FNDC1: variants seen among roughly 807,000 people sequenced by gnomAD.
FNDC1 encodes fibronectin type III domain containing 1, also known as fibronectin type III domain-containing protein 1.
A neutral mutation model predicts 168.0 loss-of-function variants in FNDC1; 96 were observed. The observed-to-expected ratio is 0.57, with a 90% CI of 0.48 to 0.68. The LOEUF (loss-of-function observed/expected upper bound fraction) is 0.68, where lower values mean the gene tolerates loss of function less well. Among genes scored for constraint, FNDC1 ranks in the 30% least tolerant of loss-of-function variants. The probability of loss-of-function intolerance (pLI) is 0.00; values close to 1 mark genes in which losing one functional copy is unlikely to be tolerated. For synonymous variants in FNDC1, 1,099 were observed against 1,025.9 expected, an observed-to-expected ratio of 1.07 and a Z score of -1.36; for missense variants, 2,587 against 2,482.1, an observed-to-expected ratio of 1.04 and a Z score of -0.90.
At position 159,239,730 on chromosome 6, in the gene FNDC1, C is replaced by A. The variant is rs1234818399; in HGVS notation, c.4394C>A (p.Thr1465Asn). ...TTTTPLPTTT[T>N]PRPTTATTRR... ...ACGACGCCCCTGCCTACCACTACAA[C>A]CCCGAGGCCCACCACTGCCACCACC... The change falls in exon 14 of 23, where the codon ACC becomes AAC. Residue 1465 changes from threonine (T) to asparagine (N), a missense_variant. Coordinates refer to ENST00000297267, the MANE Select transcript of FNDC1 (RefSeq NM_032532.3). 6.5e-7 allele frequency: 1 copy of A among 1,548,238 alleles called. No individual in the cohort carries two copies. The highest frequency in any genetic ancestry group is 8.7e-7 in the Non-Finnish European group (1 of 1,144,902).
intron 16 of FNDC1, 136 bp from the exon 17 acceptor site, chr6:159,251,166 G>A (rs1028117537): frequency 1.6e-6 from 1 of 637,612 alleles, no homozygotes. Flanking sequence ...TTCTGAGCTT[G>A]GCATCAAGGC....
intron 6 of FNDC1, among the ~76,000 whole-genome samples, chr6:159,223,038 C>T (rs1319685870): frequency 6.8e-6 from 1 of 146,250 alleles, no homozygotes; most frequent in Admixed American, 7.1e-5. Flanking sequence ...CTCTGTTGCC[C>T]AGGCTGGAGT....
chr6:159,268,156 G>C (rs1269789839), intron 22 of FNDC1, among the ~76,000 whole-genome samples: 1 of 152,206 alleles, frequency 6.6e-6, no homozygotes, highest in Non-Finnish European at 1.5e-5. Flanking sequence ...CAAAGGTACA[G>C]AGAAGGCAAA....
At chr6:159,261,964 C>T (rs1216615548) in intron 19 of FNDC1, among the ~76,000 whole-genome samples, 1 of 152,018 alleles carries the variant, frequency 6.6e-6, no homozygotes, top group Admixed American at 6.6e-5. Context: ...TTTAATTAGC[C>T]AGGCCTAGTG....
chr6:159,247,800 G>C (rs1294569538), intron 15 of FNDC1, among the ~76,000 whole-genome samples: 1 of 152,148 alleles, frequency 6.6e-6, no homozygotes, highest in Non-Finnish European at 1.5e-5. Flanking sequence ...CAGCATCTGG[G>C]AGAGTCATTC....
rs558240832 is a variant in FNDC1 at position 159,251,204 on chromosome 6, G to T, written c.4835-98G>T. 161 of 875,426 alleles carry T rather than the reference G, an allele frequency of 1.8e-4. 1 individual carries two copies. Among genetic ancestry groups the T allele is most frequent in the Non-Finnish European group, 2.3e-4 (131 of 560,472 alleles). The allele number at this position is 875,426 out of a possible 1,614,324, so 54.2% of individuals were successfully genotyped here. On this transcript the variant is annotated intron_variant, in intron 16 of 22. Coordinates refer to ENST00000297267, the MANE Select transcript of FNDC1 (RefSeq NM_032532.3). ...ATGGAGCCTCCGTCCAGCAGGAAGA[G>T]ACCGAATGGTGGGTCTGACTCTGTG...
intron 18 of FNDC1, among the ~76,000 whole-genome samples, chr6:159,259,691 C>G (rs756877070): frequency 1.3e-5 from 2 of 152,236 alleles, no homozygotes; most frequent in African/African-American, 4.8e-5. Flanking sequence ...AATAACTCCA[C>G]AACCACTGCA....
chr6:159,239,813 A>G lies in FNDC1; in HGVS notation c.4477A>G (p.Thr1493Ala). The G allele has an allele frequency of 6.5e-7, 1 of 1,546,480 alleles. No homozygotes were observed. Among genetic ancestry groups the G allele is most frequent in the Non-Finnish European group, 8.7e-7 (1 of 1,143,042 alleles). Residue 1493 changes from threonine (T) to alanine (A), a missense_variant, in exon 14 of 23, where the codon ACC becomes GCC. Transcript: ENST00000297267. ...TTRRPTTTVR[T>A]TTRTTTTTTP... is the part of the protein sequence containing the mutation. ...CAGGCGTCCAACAACCACAGTCCGAACCACTACGCGGACAACCACCACCAC... is the reference window on the plus strand; with the variant it reads ...CAGGCGTCCAACAACCACAGTCCGAGCCACTACGCGGACAACCACCACCAC...
At chr6:159,210,179 C>T (rs921180809) in intron 4 of FNDC1, among the ~76,000 whole-genome samples, 3 of 152,188 alleles carry the variant, frequency 2.0e-5, no homozygotes, top group Non-Finnish European at 4.4e-5. Flanking sequence ...TTGGGAGGCA[C>T]CAAGAGGACC....
intron 19 of FNDC1, 64 bp downstream of exon 19, chr6:159,261,333 A>G (rs1777480148): frequency 4.4e-6 from 5 of 1,125,034 alleles, no homozygotes; most frequent in South Asian, 2.6e-5. Flanking sequence ...ATAATCTAGC[A>G]TGATGGCTAC....
At position 159,233,766 on chromosome 6, in the gene FNDC1, A is replaced by T. The variant is rs999735686; in HGVS notation, c.3254A>T (p.Glu1085Val). 1.8e-4 allele frequency: 271 copies of T among 1,545,782 alleles called. No homozygotes were observed. Among genetic ancestry groups the T allele is most frequent in the Non-Finnish European group, 2.3e-4 (262 of 1,144,746 alleles). ...GGCAGCTACGACGACGACAGCACAG[A>T]AGTCGAGGCCCAGGATGTGCGGGCC... ...AQGSYDDDST[E>V]VEAQDVRAPA... Residue 1085 changes from glutamate (E) to valine (V), a missense_variant, in exon 11 of 23, where the codon GAA (glutamate) becomes GTA (valine). By Grantham distance (121) the Glu-to-Val change is moderately radical. Coordinates refer to ENST00000297267, the MANE Select transcript of FNDC1 (RefSeq NM_032532.3). The surrounding 1 kb of genome is among the most constrained non-coding windows in gnomAD (Gnocchi z 4.6).
intron 1 of FNDC1, among the ~76,000 whole-genome samples, chr6:159,183,308 A>G (rs1781921819): frequency 6.6e-6 from 1 of 152,138 alleles, no homozygotes; most frequent in Non-Finnish European, 1.5e-5. Context: ...CCTTGACTTG[A>G]CTTGACATTG....
chr6:159,230,094 A>T (rs1783049837), intron 10 of FNDC1, 91 bp downstream of exon 10: 1 of 1,193,970 alleles, frequency 8.4e-7, no homozygotes, highest in Non-Finnish European at 1.2e-6. Context: ...TGGGTTTGGA[A>T]CTGCTCAGCA....
intron 5 of FNDC1, among the ~76,000 whole-genome samples, chr6:159,221,366 G>A (rs1782818016): frequency 6.6e-6 from 1 of 152,152 alleles, no homozygotes; most frequent in Middle Eastern, 3.4e-3. Context: ...AGGAATTACT[G>A]GTAAAAAATC....
chr6:159,226,705 G>A lies in FNDC1; in HGVS notation c.1180+125G>A. On this transcript the variant is annotated intron_variant, in intron 9 of 22. Transcript: ENST00000297267. ...TATGTCTAAGAGGTGCTCACCCAAG[G>A]GACGAGGATATTTCATGCAAGATTT... 4.7e-6 allele frequency: 3 copies of A among 631,930 alleles called. No individual in the cohort carries two copies. In the South Asian group the frequency reaches 7.8e-5, roughly 16 times the overall value. 39.1% of individuals were successfully genotyped at this position (631,930 alleles called of 1,614,324 possible). A position where few individuals can be genotyped will look rare whatever the true frequency, so the allele number is the denominator to read the frequency against.
intron 14 of FNDC1, among the ~76,000 whole-genome samples, chr6:159,246,234 A>G (rs1419840650): frequency 1.3e-5 from 2 of 152,222 alleles, no homozygotes; most frequent in East Asian, 3.8e-4. Context: ...CAAATTTCCT[A>G]TGCAAATTAA....
intron 1 of FNDC1, among the ~76,000 whole-genome samples, chr6:159,173,209 G>A (rs917191856): frequency 7.2e-5 from 11 of 152,220 alleles, no homozygotes; most frequent in African/African-American, 2.7e-4. Context: ...AGGGAAGTAG[G>A]TTAAAAATCA....
intron 1 of FNDC1, among the ~76,000 whole-genome samples, chr6:159,176,230 C>A (rs1781757856): frequency 6.6e-6 from 1 of 152,192 alleles, no homozygotes; most frequent in East Asian, 1.9e-4. Flanking sequence ...AAGGGCCCCC[C>A]AGCTCTAACT....
intron 19 of FNDC1, 69 bp downstream of exon 19, chr6:159,261,338 G>A: frequency 9.5e-7 from 1 of 1,056,790 alleles, no homozygotes; most frequent in Non-Finnish European, 1.4e-6. Context: ...CTAGCATGAT[G>A]GCTACAATAG....
Sources: gnomAD v4.1 joint callset for allele counts (sites outside exome capture counted in the v4.1 genomes callset) on GRCh38, gnomAD v4.1.1 for gene constraint, Gnocchi (gnomAD v3.1) non-coding constraint, MANE v1.5 for transcripts, NCBI Gene and HGNC (gene_info 2026-07-23, HGNC 2026-07-21) for gene names.